The following ST3GAL1 variants were observed in gnomAD, a reference collection of about 807,000 sequenced individuals.
ST3GAL1 encodes CMP-N-acetylneuraminate-beta-galactosamide-alpha-2,3-sialyltransferase 1.
In ST3GAL1, 16 loss-of-function variants were observed where a neutral mutation model predicts 34.1. That is an observed-to-expected ratio of 0.47 (90% CI 0.32 to 0.71). The LOEUF is 0.71. Ranked by LOEUF, ST3GAL1 falls within the 30% of genes least tolerant of loss-of-function variation. ST3GAL1 has a pLI of 0.04. For missense variants in ST3GAL1, 353 were observed against 447.4 expected (o/e 0.79, Z 1.90); for synonymous variants, 191 against 184.7 (o/e 1.03, Z -0.28).
Position 133,459,601 on chromosome 8 carries a change from T to G in ST3GAL1, c.*163A>C. On this transcript the variant is annotated 3_prime_UTR_variant, in exon 10 of 10. Coordinates refer to ENST00000522652, the MANE Select transcript of ST3GAL1 (RefSeq NM_173344.3). The surrounding 1 kb of genome is among the most constrained non-coding windows in gnomAD (Gnocchi z 4.7). ...CGCTGGCAGAGCTTAGTGACCTTGC[T>G]GAGTAGATGCTGCCAACGGCTGGGT... 1.2e-6 allele frequency: 1 copy of G among 804,448 alleles called. No individual in the cohort carries two copies. Among genetic ancestry groups the G allele is most frequent in the Non-Finnish European group, 1.8e-6 (1 of 541,224 alleles). The allele number at this position is 804,448 out of a possible 1,614,324, so 49.8% of individuals were successfully genotyped here.
At chr8:133,518,147 T>C (rs1817697744) in intron 2 of ST3GAL1, among the ~76,000 whole-genome samples, 1 of 152,238 alleles carries the variant, frequency 6.6e-6, no homozygotes, top group African/African-American at 2.4e-5. Context: ...ACTTGTCTGA[T>C]ATTCACATGC....
intron 2 of ST3GAL1, among the ~76,000 whole-genome samples, chr8:133,540,218 A>C: frequency 6.6e-6 from 1 of 151,242 alleles, no homozygotes; most frequent in African/African-American, 2.4e-5. Flanking sequence ...CTCCCCTCCC[A>C]CCCCAAACAA....
chr8:133,509,144 T>C (rs1332881866), intron 2 of ST3GAL1, among the ~76,000 whole-genome samples: 6 of 152,248 alleles, frequency 3.9e-5, no homozygotes, highest in Admixed American at 3.9e-4. Flanking sequence ...TTAGTGTTCC[T>C]AACTAAATTA....
chr8:133,564,519 T>TACACAC (rs60855292), intron 1 of ST3GAL1, among the ~76,000 whole-genome samples: 18,810 of 145,812 alleles, frequency 0.13, 1,300 homozygotes, highest in Non-Finnish European at 0.15. Context: ...AAAGAGAAAA[T>TACACAC]ACACACACAC....
At chr8:133,524,068 C>T (rs913784528) in intron 2 of ST3GAL1, among the ~76,000 whole-genome samples, 17 of 152,288 alleles carry the variant, frequency 1.1e-4, no homozygotes, top group Admixed American at 1.1e-3. Flanking sequence ...GCTCTTATGC[C>T]ATTTCATGGT....
rs1425737188 is a variant in ST3GAL1 at position 133,461,367 on chromosome 8, G to A, written c.849+508C>T. Among the ~76,000 whole-genome samples the A allele has an allele frequency of 7.9e-5, 12 of 152,136 alleles. No individual in the cohort carries two copies. The highest frequency in any genetic ancestry group is 1.7e-4 in the African/African-American group (7 of 41,444). Reference sequence around the variant, plus strand: ...AGTGGAAACCCGAACACAGCCTAGCGGACAGCGAAGGACATGGGAAGGCAA... The same window carrying A: ...AGTGGAAACCCGAACACAGCCTAGCAGACAGCGAAGGACATGGGAAGGCAA... On this transcript the variant is annotated intron_variant, in intron 9 of 9. Coordinates refer to ENST00000522652, the MANE Select transcript of ST3GAL1 (RefSeq NM_173344.3). The surrounding 1 kb of genome is among the most constrained non-coding windows in gnomAD (Gnocchi z 4.7).
chr8:133,531,107 G>T (rs1380092223), intron 2 of ST3GAL1, among the ~76,000 whole-genome samples: 3 of 151,600 alleles, frequency 2.0e-5, no homozygotes, highest in African/African-American at 7.2e-5. Flanking sequence ...GGATAGAAAA[G>T]CTGCCTTAAG....
In ST3GAL1 at chr8:133,459,919, C is replaced by G; in HGVS notation, c.868G>C (p.Gly290Arg). ...VCDEVDLYGF[G>R]ADSKGNWHHY... is the part of the protein sequence containing the mutation. ...TGCCAGTTCCCTTTGCTGTCTGCCC[C>G]GAAGCCGTACAAGTCCACCTGTGGG... The change falls in exon 10 of 10, where the codon GGG becomes CGG. Residue 290 changes from glycine to arginine, a missense_variant. Physicochemically the swap from Gly to Arg is moderately radical, Grantham distance 125. Coordinates refer to ENST00000522652, the MANE Select transcript of ST3GAL1 (RefSeq NM_173344.3). The surrounding 1 kb of genome is among the most constrained non-coding windows in gnomAD (Gnocchi z 4.7). The G allele has an allele frequency of 6.2e-7, 1 of 1,612,886 alleles. No homozygotes were observed.
intron 3 of ST3GAL1, among the ~76,000 whole-genome samples, chr8:133,497,772 G>T (rs1182707825): frequency 6.6e-6 from 1 of 151,848 alleles, no homozygotes; most frequent in Non-Finnish European, 1.5e-5. Context: ...CATGCCCAGC[G>T]GATTTTTCTT....
chr8:133,545,626 C>T (rs907498360), intron 2 of ST3GAL1, 148 bp downstream of exon 2: 11 of 152,298 alleles, frequency 7.2e-5, no homozygotes, highest in African/African-American at 2.2e-4. Context: ...CTTAATGGCA[C>T]GTTTCTGGGC....
chr8:133,564,612 C>T (rs1195004655), intron 1 of ST3GAL1, among the ~76,000 whole-genome samples: 1 of 150,780 alleles, frequency 6.6e-6, no homozygotes, highest in Non-Finnish European at 1.5e-5. Flanking sequence ...AAACTTTTAA[C>T]CTACAAATAT....
At chr8:133,489,243 C>A (rs1207831013) in intron 3 of ST3GAL1, among the ~76,000 whole-genome samples, 2 of 152,150 alleles carry the variant, frequency 1.3e-5, no homozygotes, top group African/African-American at 4.8e-5. Flanking sequence ...TTGAATGCAC[C>A]ATTTGTGTCC....
At chr8:133,538,542 C>A (rs1361942916) in intron 2 of ST3GAL1, among the ~76,000 whole-genome samples, 3 of 152,134 alleles carry the variant, frequency 2.0e-5, no homozygotes, top group Non-Finnish European at 4.4e-5. Context: ...ATAAATAAAA[C>A]CTATTGAATG....
At chr8:133,534,067 C>T (rs1275695061) in intron 2 of ST3GAL1, among the ~76,000 whole-genome samples, 1 of 152,132 alleles carries the variant, frequency 6.6e-6, no homozygotes, top group African/African-American at 2.4e-5. Flanking sequence ...AAAAACGGGC[C>T]CAACCCCCAA....
intron 3 of ST3GAL1, among the ~76,000 whole-genome samples, chr8:133,498,804 A>G (rs7815759): frequency 0.75 from 113,416 of 152,066 alleles, 42,704 homozygotes; most frequent in African/African-American, 0.83. Context: ...AGAGCTCCTG[A>G]GGCCTCGGAG....
rs996929080 is a variant in ST3GAL1 at position 133,463,375 on chromosome 8, G to C, written c.729+39C>G. 3.7e-6 allele frequency: 6 copies of C among 1,610,742 alleles called. No individual in the cohort carries two copies. In the African/African-American group the frequency reaches 6.7e-5, roughly 18 times the overall value. On this transcript the variant is annotated intron_variant, in intron 8 of 9. Transcript: ENST00000522652. ...TTAGAGCAGAGCCTTAGATGAGGAA[G>C]CCTGAACTTAGAACAGAGGGGCCGG...
At position 133,556,675 on chromosome 8, in the gene ST3GAL1, G is replaced by A; in HGVS notation, c.-581-10749C>T. Among the ~76,000 whole-genome samples the A allele has an allele frequency of 6.6e-6, 1 of 152,338 alleles. No homozygotes were observed. Among genetic ancestry groups the A allele is most frequent in the African/African-American group, 2.4e-5 (1 of 41,566 alleles). On this transcript the variant is annotated intron_variant, in intron 1 of 9. Transcript: ENST00000522652. The surrounding 1 kb of genome is among the most constrained non-coding windows in gnomAD (Gnocchi z 8.9). ...GGAACGAAAATGGGAAGGAAGAGAA[G>A]GGAGAAAGAAAACTATTAGCCATGG...
intron 2 of ST3GAL1, among the ~76,000 whole-genome samples, chr8:133,532,634 T>C (rs1243361727): frequency 6.6e-6 from 1 of 151,876 alleles, no homozygotes; most frequent in Non-Finnish European, 1.5e-5. Context: ...AGTAATAGAG[T>C]GAAAGGCTCA....
At chr8:133,563,081 A>C (rs961753429) in intron 1 of ST3GAL1, among the ~76,000 whole-genome samples, 1 of 151,752 alleles carries the variant, frequency 6.6e-6, no homozygotes, top group Non-Finnish European at 1.5e-5. Context: ...GCATGAAGGG[A>C]CTTTTTAGCC....
Sources: gnomAD v4.1 joint callset for allele counts (sites outside exome capture counted in the v4.1 genomes callset) on GRCh38, gnomAD v4.1.1 for gene constraint, Gnocchi (gnomAD v3.1) non-coding constraint, MANE v1.5 for transcripts, NCBI Gene and HGNC (gene_info 2026-07-23, HGNC 2026-07-21) for gene names.